The following PTPRS variants were observed in gnomAD, a reference collection of about 807,000 sequenced individuals.
PTPRS encodes the protein receptor-type tyrosine-protein phosphatase S.
Under a neutral mutation model 215.3 loss-of-function variants are expected in PTPRS, and 63 were observed. The observed-to-expected ratio is 0.29, with a 90% CI of 0.24 to 0.36. The LOEUF (loss-of-function observed/expected upper bound fraction) is 0.36, where lower values mean the gene tolerates loss of function less well. Among genes scored for constraint, PTPRS ranks in the 10% least tolerant of loss-of-function variants. The pLI is 1.00. For synonymous variants in PTPRS, 1,404 were observed against 1,191.4 expected (o/e 1.18, Z -3.68); for missense variants, 2,258 against 2,825.8 (o/e 0.80, Z 4.56).
intron 27 of PTPRS, 23 bp downstream of exon 27, chr19:5,215,475 G>A (rs1599395581): frequency 1.9e-6 from 3 of 1,607,702 alleles, no homozygotes; most frequent in East Asian, 2.2e-5. Context: ...GGTGATGAGG[G>A]TGGGAGGCGG....
chr19:5,254,921 C>T (rs574116867), intron 9 of PTPRS, among the ~76,000 whole-genome samples: 5 of 152,288 alleles, frequency 3.3e-5, no homozygotes, highest in African/African-American at 9.6e-5. Flanking sequence ...AATTACACAC[C>T]GAGTATGCAT....
rs2040957516 is a variant in PTPRS at position 5,212,136 on chromosome 19, G to A, written c.4884C>T (p.Arg1628=). The A allele has an allele frequency of 6.2e-7, 1 of 1,613,986 alleles. No individual in the cohort carries two copies. Among genetic ancestry groups the A allele is most frequent in the Non-Finnish European group, 8.5e-7 (1 of 1,180,058 alleles). ...GGTCCTCCGTCTGCACCATGTAGTT[G>A]CGCTGGGACCTCATGAGCGTCACGT... ...YGHVTLMRSQ[R]NYMVQTEDQY... The change falls in exon 32 of 38, where the codon CGC becomes CGT. Residue 1628 remains arginine (R), a synonymous_variant. Coordinates refer to ENST00000262963, the MANE Select transcript of PTPRS (RefSeq NM_002850.4).
intron 12 of PTPRS, 82 bp downstream of exon 12, chr19:5,240,117 G>A (rs373492126): frequency 2.2e-6 from 3 of 1,384,138 alleles, no homozygotes; most frequent in Admixed American, 2.9e-5. Context: ...GGGACAAAGA[G>A]GGGGAAGAGA....
At chr19:5,248,569 G>A (rs1473564128) in intron 9 of PTPRS, among the ~76,000 whole-genome samples, 1 of 152,122 alleles carries the variant, frequency 6.6e-6, no homozygotes, top group Non-Finnish European at 1.5e-5. Context: ...GAGCCTCGTG[G>A]ACAAAAATCC....
chr19:5,317,100 T>C (rs1476750135), intron 1 of PTPRS, among the ~76,000 whole-genome samples: 1 of 152,082 alleles, frequency 6.6e-6, no homozygotes, highest in Non-Finnish European at 1.5e-5. Flanking sequence ...GGCGGGACAT[T>C]AGGAAGAACC....
intron 1 of PTPRS, among the ~76,000 whole-genome samples, chr19:5,292,395 A>G (rs1298844327): frequency 6.6e-6 from 1 of 152,122 alleles, no homozygotes; most frequent in Non-Finnish European, 1.5e-5. Flanking sequence ...GAAGGAACAG[A>G]CAGCTGAGGC....
At chr19:5,280,824 C>T (rs146610172) in intron 2 of PTPRS, among the ~76,000 whole-genome samples, 13 of 151,838 alleles carry the variant, frequency 8.6e-5, no homozygotes, top group African/African-American at 2.7e-4. Context: ...TGGAGTCTCG[C>T]TCTGTTGCCC....
intron 1 of PTPRS, among the ~76,000 whole-genome samples, chr19:5,328,743 A>G (rs982288329): frequency 9.9e-5 from 15 of 151,966 alleles, no homozygotes; most frequent in African/African-American, 3.6e-4. Flanking sequence ...CAGCCTGGCC[A>G]ACATGGTGAA....
chr19:5,304,136 G>C (rs905597016), intron 1 of PTPRS, among the ~76,000 whole-genome samples: 3 of 151,940 alleles, frequency 2.0e-5, no homozygotes, highest in Non-Finnish European at 4.4e-5. Context: ...GACACAAGAT[G>C]ACTGTGGGAG....
intron 7 of PTPRS, among the ~76,000 whole-genome samples, chr19:5,259,068 T>G (rs2045789569): frequency 1.3e-5 from 2 of 152,328 alleles, no homozygotes; most frequent in African/African-American, 4.8e-5. Context: ...ATCAGGGGTC[T>G]GATTGAAAGC....
intron 4 of PTPRS, among the ~76,000 whole-genome samples, chr19:5,269,874 T>C (rs935568778): frequency 1.6e-5 from 2 of 127,826 alleles, no homozygotes; most frequent in Non-Finnish European, 3.1e-5. Context: ...TGAGCCAAGA[T>C]CACGCCATTG....
Position 5,276,310 on chromosome 19 carries a change from C to T in PTPRS, c.92-1966G>A, listed in dbSNP as rs554221975. On this transcript the variant is annotated intron_variant, in intron 2 of 37. Coordinates refer to ENST00000262963, the MANE Select transcript of PTPRS (RefSeq NM_002850.4). ...CCATCTCGGCTCAATGCAACCTCCG[C>T]CTCCCAGGTTCAAGTGATTCTCCTA... Among the ~76,000 whole-genome samples the T allele has an allele frequency of 9.9e-5, 15 of 152,194 alleles. No individual in the cohort carries two copies. The South Asian group carries it at 2.7e-3, about 27-fold the overall frequency.
At chr19:5,225,221 G>C (rs1160788124) in intron 17 of PTPRS, among the ~76,000 whole-genome samples, 1 of 152,086 alleles carries the variant, frequency 6.6e-6, no homozygotes, top group African/African-American at 2.4e-5. Context: ...GTGCAGTAGG[G>C]GAAGACAGGT....
At chr19:5,312,544 C>T (rs940522589) in intron 1 of PTPRS, among the ~76,000 whole-genome samples, 11 of 152,112 alleles carry the variant, frequency 7.2e-5, no homozygotes, top group African/African-American at 2.7e-4. Flanking sequence ...GCCTGTAGTC[C>T]CAGCCACTTG....
chr19:5,328,518 G>C (rs140934428), intron 1 of PTPRS, among the ~76,000 whole-genome samples: 159 of 152,160 alleles, frequency 1.0e-3, no homozygotes, highest in African/African-American at 3.7e-3. Context: ...GATTATAGGC[G>C]TGAACCACCG....
rs140472977 is a variant in PTPRS, at chr19:5,212,350, C to T, written c.4756G>A (p.Val1586Met). 1.3e-5 allele frequency: 21 copies of T among 1,612,488 alleles called. No homozygotes were observed. Among genetic ancestry groups the T allele is most frequent in the Non-Finnish European group, 1.6e-5 (19 of 1,179,452 alleles). The change falls in exon 31 of 38, where the codon GTG becomes ATG. Residue 1586 changes from valine to methionine, a missense_variant. This residue lies in a region of PTPRS where 927 missense variants were observed against 1,125.9 expected (regional missense o/e 0.82). Transcript: ENST00000262963. Reference protein sequence around the residue: ...TCNPPDAGPIVVHCSAGVGRT... With the variant: ...TCNPPDAGPIMVHCSAGVGRT... ...GGGTGGACGTACCTGCAGTGAACCACGATGGGGCCGGCATCTGGCGGGTTG... is the reference window on the plus strand; with the variant it reads ...GGGTGGACGTACCTGCAGTGAACCATGATGGGGCCGGCATCTGGCGGGTTG...
chr19:5,267,866 T>C (rs1278520234), intron 4 of PTPRS, among the ~76,000 whole-genome samples: 1 of 151,972 alleles, frequency 6.6e-6, no homozygotes, highest in African/African-American at 2.4e-5. Context: ...CCTGTAGCTG[T>C]ATTTATTAAT....
intron 1 of PTPRS, among the ~76,000 whole-genome samples, chr19:5,317,632 A>G (rs2049912938): frequency 6.6e-6 from 1 of 152,200 alleles, no homozygotes; most frequent in Non-Finnish European, 1.5e-5. Flanking sequence ...TGACAGCACA[A>G]ATTTTCCTAA....
chr19:5,215,297 G>A lies in PTPRS; in HGVS notation c.4310C>T (p.Pro1437Leu), dbSNP rs190342971. The change falls in exon 28 of 38, where the codon CCC becomes CTC. Residue 1437 changes from proline (P) to leucine (L), a missense_variant. By Grantham distance (98) the Pro-to-Leu change is moderately conservative. Coordinates refer to ENST00000262963, the MANE Select transcript of PTPRS (RefSeq NM_002850.4). ...CGGGATCTCCGAACTACCTTCAATG[G>A]GCTGGAGGATGACACGGGAGTGGTC... ...AYDHSRVILQ[P>L]IEGIMGSDYI... 14 of 1,614,064 alleles carry A rather than the reference G, an allele frequency of 8.7e-6. No homozygotes were observed. In the Admixed American group the frequency reaches 1.7e-4, roughly 19 times the overall value.
Sources: gnomAD v4.1 joint callset for allele counts (sites outside exome capture counted in the v4.1 genomes callset) on GRCh38, gnomAD v4.1.1 for gene constraint, gnomAD v4.1.1 regional missense constraint, MANE v1.5 for transcripts, NCBI Gene and HGNC (gene_info 2026-07-23, HGNC 2026-07-21) for gene names.